Variants in WDR72 observed in about 807,000 individuals in gnomAD.
The protein encoded by WDR72 is WD repeat-containing protein 72.
In WDR72, 120 loss-of-function variants were observed where a neutral mutation model predicts 124.2. The ratio of observed to expected loss-of-function variants is 0.97; its 90% CI spans 0.83 to 1.12. The LOEUF is 1.12. WDR72 is among the 50% of genes most tolerant of loss of function. The pLI, the probability that WDR72 is intolerant of heterozygous loss-of-function variation, is 0.00. For synonymous variants in WDR72, 452 were observed against 441.7 expected, an observed-to-expected ratio of 1.02 and a Z score of -0.29; for missense variants, 1,387 against 1,278.8, an observed-to-expected ratio of 1.08 and a Z score of -1.29.
rs1891420433 is a variant in WDR72, at chr15:53,515,666, A to G, written c.*2033T>C. ...TAACATGCGATGCCGAAAAATCCTA[A>G]CATTTCCACTTAGTAATGTCAGGGT... is the stretch of plus-strand genomic sequence containing the variant. On this transcript the variant is annotated 3_prime_UTR_variant, in exon 20 of 20. Transcript: ENST00000360509. 1 of 152,194 alleles carries G rather than the reference A, an allele frequency of 6.6e-6. No individual in the cohort carries two copies. Among genetic ancestry groups the G allele is most frequent in the Non-Finnish European group, 1.5e-5 (1 of 68,000 alleles). The allele number at this position is 152,194 out of a possible 1,614,324, so 9.4% of individuals were successfully genotyped here.
intron 14 of WDR72, among the ~76,000 whole-genome samples, chr15:53,625,019 A>C (rs1171719828): frequency 6.6e-6 from 1 of 152,200 alleles, no homozygotes; most frequent in Admixed American, 6.5e-5. Flanking sequence ...CCTATATGCA[A>C]TATATTTCAC....
chr15:53,553,640 A>C (rs1241211930), intron 18 of WDR72, among the ~76,000 whole-genome samples: 1 of 152,152 alleles, frequency 6.6e-6, no homozygotes, highest in Non-Finnish European at 1.5e-5. Flanking sequence ...TATGCATTTC[A>C]CTTATATTAA....
In WDR72 at chr15:53,523,330, AAGAG is replaced by A. The variant is rs57737580; in HGVS notation, c.3149-12_3149-9del. On this transcript the variant is annotated splice_polypyrimidine_tract_variant and intron_variant, in intron 18 of 19. Transcript: ENST00000360509. ...TGACCGGGCTGACTGGAGCTATTAA[AAGAG>A]AGAGAGAGAGAGAGAGAGACAGAAG... 1.4e-3 allele frequency: 2,132 copies of A among 1,555,962 alleles called. 4 individuals are homozygous for A. Among genetic ancestry groups the A allele is most frequent in the African/African-American group, 9.5e-3 (697 of 73,272 alleles).
intron 14 of WDR72, among the ~76,000 whole-genome samples, chr15:53,637,660 T>C (rs1426701888): frequency 6.6e-6 from 1 of 152,154 alleles, no homozygotes; most frequent in Non-Finnish European, 1.5e-5. Context: ...AGTGTGTGCT[T>C]TTCCCTGTGC....
intron 9 of WDR72, 152 bp downstream of exon 9, chr15:53,710,705 C>A: frequency 2.9e-6 from 2 of 693,864 alleles, no homozygotes; most frequent in South Asian, 1.6e-5. Context: ...TCTTTGGTAG[C>A]CATTGATAAT....
intron 1 of WDR72, among the ~76,000 whole-genome samples, chr15:53,752,044 C>T (rs1026740776): frequency 2.6e-5 from 4 of 151,992 alleles, no homozygotes; most frequent in Non-Finnish European, 5.9e-5. Flanking sequence ...AACAATATTC[C>T]GATAAATGAA....
At chr15:53,520,493 C>CTCTT (rs1458431081) in intron 19 of WDR72, among the ~76,000 whole-genome samples, 2 of 152,154 alleles carry the variant, frequency 1.3e-5, no homozygotes, top group Non-Finnish European at 2.9e-5. Context: ...ATTAAATGCA[C>CTCTT]TCTTTTCCAT....
chr15:53,711,003 T>A, intron 8 of WDR72, 50 bp from the exon 9 acceptor site: 1 of 1,503,464 alleles, frequency 6.7e-7, no homozygotes, highest in Non-Finnish European at 9.2e-7. Flanking sequence ...GGTTCTTTAT[T>A]CGTTTTTTTT....
chr15:53,716,015 A>C (rs1265542011), intron 4 of WDR72, among the ~76,000 whole-genome samples: 4 of 152,228 alleles, frequency 2.6e-5, no homozygotes, highest in African/African-American at 9.6e-5. Flanking sequence ...TTATTTCCAA[A>C]AAAAATAGAA....
chr15:53,674,251 A>C (rs2016089249), intron 13 of WDR72, among the ~76,000 whole-genome samples: 1 of 152,190 alleles, frequency 6.6e-6, no homozygotes, highest in Non-Finnish European at 1.5e-5. Context: ...CTCACTACCA[A>C]ATTTGATAAT....
intron 17 of WDR72, among the ~76,000 whole-genome samples, chr15:53,601,785 A>G (rs1488115457): frequency 6.6e-6 from 1 of 152,182 alleles, no homozygotes; most frequent in Non-Finnish European, 1.5e-5. Context: ...ATTCAACAGG[A>G]AGAGCTAACT....
At chr15:53,557,898 G>T (rs1457582005) in intron 18 of WDR72, among the ~76,000 whole-genome samples, 1 of 152,012 alleles carries the variant, frequency 6.6e-6, no homozygotes, top group Non-Finnish European at 1.5e-5. Flanking sequence ...AGATTGAGGA[G>T]GTGAGATTCA....
At chr15:53,582,726 T>A (rs1024937781) in intron 18 of WDR72, among the ~76,000 whole-genome samples, 6 of 152,028 alleles carry the variant, frequency 3.9e-5, no homozygotes, top group Admixed American at 1.3e-4. Flanking sequence ...TAAACTAACA[T>A]ATATAATAAA....
At chr15:53,524,201 CAATT>C (rs1278531104) in intron 18 of WDR72, among the ~76,000 whole-genome samples, 1 of 152,004 alleles carries the variant, frequency 6.6e-6, no homozygotes, top group Non-Finnish European at 1.5e-5. Flanking sequence ...AATTAGGTCA[CAATT>C]AAGCCAAATG....
chr15:53,582,394 C>T (rs10518730), intron 18 of WDR72, among the ~76,000 whole-genome samples: 15,423 of 151,890 alleles, frequency 0.1, 1,014 homozygotes, highest in African/African-American at 0.18. Context: ...TGGTGGAATC[C>T]TATCCTTCAT....
intron 18 of WDR72, among the ~76,000 whole-genome samples, chr15:53,568,433 G>A (rs1217313595): frequency 6.6e-6 from 1 of 151,794 alleles, no homozygotes; most frequent in African/African-American, 2.4e-5. Flanking sequence ...CAGTGACAGG[G>A]AGCTCACCAC....
At position 53,682,703 on chromosome 15, in the gene WDR72, G is replaced by A. The variant is rs1443556379; in HGVS notation, c.1766-16935C>T. 2.0e-5 allele frequency among the ~76,000 whole-genome samples: 3 copies of A among 152,112 alleles called. 1 individual carries two copies. Among genetic ancestry groups the A allele is most frequent in the Non-Finnish European group, 2.9e-5 (2 of 68,022 alleles). ...CAGACTCCTTGCTAAAGCATAACAA[G>A]AGTCACCTTTATTCCAGTTCCCAAC... On this transcript the variant is annotated intron_variant, in intron 13 of 19. Coordinates refer to ENST00000360509, the MANE Select transcript of WDR72 (RefSeq NM_182758.4).
At chr15:53,711,629 C>T in intron 7 of WDR72, 148 bp from the exon 8 acceptor site, 1 of 913,932 alleles carries the variant, frequency 1.1e-6, no homozygotes, top group Non-Finnish European at 1.7e-6. Flanking sequence ...GATATTTTAC[C>T]ATGACTTATT....
intron 2 of WDR72, among the ~76,000 whole-genome samples, chr15:53,725,330 A>G (rs74714084): frequency 0.019 from 2,911 of 152,300 alleles, 94 homozygotes; most frequent in African/African-American, 0.067. Context: ...ATGTGGAGCA[A>G]CAGGAATTCT....
Sources: gnomAD v4.1 joint callset for allele counts (sites outside exome capture counted in the v4.1 genomes callset) on GRCh38, gnomAD v4.1.1 for gene constraint, MANE v1.5 for transcripts, NCBI Gene and HGNC (gene_info 2026-07-23, HGNC 2026-07-21) for gene names.